Variants in PTPRC observed in about 807,000 individuals in gnomAD.
PTPRC encodes the protein receptor-type tyrosine-protein phosphatase C.
Under a neutral mutation model 155.9 loss-of-function variants are expected in PTPRC, and 44 were observed. That is an observed-to-expected ratio of 0.28 (90% confidence interval 0.22 to 0.36). The LOEUF (loss-of-function observed/expected upper bound fraction) is 0.36, where lower values mean the gene tolerates loss of function less well. Among genes scored for constraint, PTPRC ranks in the 10% least tolerant of loss-of-function variants. The pLI, the probability that PTPRC is intolerant of heterozygous loss-of-function variation, is 1.00. For synonymous variants in PTPRC, 525 were observed against 533.1 expected (o/e 0.98, Z 0.21); for missense variants, 1,401 against 1,564.6 (o/e 0.90, Z 1.76).
At chr1:198,713,143 T>C in intron 12 of PTPRC, 71 bp downstream of exon 12, 1 of 1,599,422 alleles carries the variant, frequency 6.3e-7, no homozygotes, top group Non-Finnish European at 8.6e-7. Context: ...AAATTTTTAT[T>C]GAGCCAGTGA....
intron 2 of PTPRC, among the ~76,000 whole-genome samples, chr1:198,664,271 A>C (rs1664149152): frequency 6.6e-6 from 1 of 152,196 alleles, no homozygotes; most frequent in Non-Finnish European, 1.5e-5. Context: ...AAATGGGAAA[A>C]TATTTGTTTT....
At chr1:198,717,823 C>T (rs147907947) in intron 13 of PTPRC, among the ~76,000 whole-genome samples, 184 of 152,214 alleles carry the variant, frequency 1.2e-3, no homozygotes, top group African/African-American at 4.2e-3. Flanking sequence ...CCCTTTTTCT[C>T]TATTCTCTAA....
In PTPRC at chr1:198,731,607, A is replaced by T; in HGVS notation, c.1865-10A>T. On this transcript the variant is annotated splice_polypyrimidine_tract_variant and intron_variant, in intron 17 of 32. Coordinates refer to ENST00000442510, the MANE Select transcript of PTPRC (RefSeq NM_002838.5). ...ATGTAACTAGTATTGAATCTTTAAT[A>T]TGTTTCCAGATGATGAAAAACAACT... 1.3e-6 allele frequency: 2 copies of T among 1,579,256 alleles called. No homozygotes were observed. Among genetic ancestry groups the T allele is most frequent in the Non-Finnish European group, 1.7e-6 (2 of 1,149,072 alleles).
chr1:198,668,869 A>C (rs1026058368), intron 2 of PTPRC, among the ~76,000 whole-genome samples: 1 of 152,176 alleles, frequency 6.6e-6, no homozygotes, highest in African/African-American at 2.4e-5. Context: ...AGCATAAGAA[A>C]ACCCCACTTT....
chr1:198,709,955 C>A, intron 11 of PTPRC, 131 bp downstream of exon 11: 1 of 1,247,284 alleles, frequency 8.0e-7, no homozygotes, highest in Non-Finnish European at 1.1e-6. Context: ...CTTTTTATTT[C>A]AATGAAGCGC....
intron 11 of PTPRC, 56 bp downstream of exon 11, chr1:198,709,880 A>G (rs1653200361): frequency 6.3e-7 from 1 of 1,585,098 alleles, no homozygotes; most frequent in Non-Finnish European, 8.6e-7. Flanking sequence ...ATGTTCTTAT[A>G]ATTATTTGAG....
intron 26 of PTPRC, among the ~76,000 whole-genome samples, chr1:198,744,995 A>G (rs1052510125): frequency 6.6e-6 from 1 of 151,832 alleles, no homozygotes; most frequent in Non-Finnish European, 1.5e-5. Context: ...TGGAAGAACT[A>G]GCAGACACAG....
chr1:198,745,352 CAG>C (rs1240584383), intron 26 of PTPRC, among the ~76,000 whole-genome samples: 1 of 151,712 alleles, frequency 6.6e-6, no homozygotes, highest in Non-Finnish European at 1.5e-5. Flanking sequence ...GACAGTAAGA[CAG>C]AAGATGAGAG....
chr1:198,673,113 A>T (rs1391121062), intron 2 of PTPRC, among the ~76,000 whole-genome samples: 1 of 152,016 alleles, frequency 6.6e-6, no homozygotes, highest in East Asian at 1.9e-4. Context: ...TTTCTAAAAG[A>T]CTAATCGTCT....
intron 32 of PTPRC, 108 bp downstream of exon 32, chr1:198,754,512 C>G (rs1655536785): frequency 7.6e-7 from 1 of 1,322,996 alleles, no homozygotes; most frequent in African/African-American, 1.5e-5. Context: ...GTTCTTTTTT[C>G]CCCTTTCCTT....
In PTPRC at chr1:198,639,299, G is replaced by A. The variant is rs759684142; in HGVS notation, c.31G>A (p.Ala11Thr). 5.0e-6 allele frequency: 8 copies of A among 1,613,412 alleles called. No homozygotes were observed. In the East Asian group the frequency reaches 6.7e-5, roughly 13 times the overall value. The part of the protein sequence containing the change: MTMYLWLKLL[A>T]FGFAFLDTEV... ...CATGTATTTGTGGCTTAAACTCTTG[G>A]CATTTGGCTTTGCCTTTCTGGACAC... Residue 11 changes from alanine to threonine, a missense_variant, in exon 2 of 33, where the codon GCA becomes ACA. Transcript: ENST00000442510.
In PTPRC at chr1:198,756,753, C is replaced by T. The variant is rs1304661807; in HGVS notation, c.*572C>T. The stretch of plus-strand genomic sequence containing the variant: ...AAAGGTGGTATGTGTGTGTATGCTA[C>T]TACAAAAAAGTTGTTAACTAAATTA... On this transcript the variant is annotated 3_prime_UTR_variant, in exon 33 of 33. Transcript: ENST00000442510. 1.3e-5 allele frequency: 2 copies of T among 151,864 alleles called. No homozygotes were observed. Among genetic ancestry groups the T allele is most frequent in the Non-Finnish European group, 2.9e-5 (2 of 67,920 alleles). 9.4% of individuals were successfully genotyped at this position (151,864 alleles called of 1,614,324 possible).
chr1:198,651,415 T>C lies in PTPRC; in HGVS notation c.73+12074T>C, dbSNP rs528747306. Reference sequence around the variant, plus strand: ...AAGTAGTTGTTATCAATGTGGCAGATATTAGGTAGAATCTAATATCGTGAA... The same window carrying C: ...AAGTAGTTGTTATCAATGTGGCAGACATTAGGTAGAATCTAATATCGTGAA... On this transcript the variant is annotated intron_variant, in intron 2 of 32. Coordinates refer to ENST00000442510, the MANE Select transcript of PTPRC (RefSeq NM_002838.5). 1.1e-3 allele frequency among the ~76,000 whole-genome samples: 170 copies of C among 151,850 alleles called. 4 individuals carry two copies. The South Asian group carries it at 0.029, about 26-fold the overall frequency.
chr1:198,755,987 G>GAAGA lies in PTPRC; in HGVS notation c.3728_3731dup (p.Asp1244GlufsTer3). ...ACAAGTAAAGAAAAACAACCATCAA[G>GAAGA]AAGATAAAATTGAATTTGATAATGA... On this transcript the variant is annotated frameshift_variant, in exon 33 of 33. Coordinates refer to ENST00000442510, the MANE Select transcript of PTPRC (RefSeq NM_002838.5). LOFTEE classifies it low-confidence loss of function (END_TRUNC). The GAAGA allele has an allele frequency of 6.2e-7, 1 of 1,613,192 alleles. No homozygotes were observed. Among genetic ancestry groups the GAAGA allele is most frequent in the Non-Finnish European group, 8.5e-7 (1 of 1,179,518 alleles).
intron 5 of PTPRC, chr1:198,700,160 A>C: frequency 5.3e-6 from 1 of 188,454 alleles, no homozygotes; most frequent in Admixed American, 5.5e-5. Flanking sequence ...AAAAGAAAGG[A>C]ATGGGTTTAT....
intron 7 of PTPRC, 78 bp from the exon 8 acceptor site, chr1:198,704,394 A>G (rs1666620417): frequency 1.2e-6 from 2 of 1,603,526 alleles, no homozygotes; most frequent in East Asian, 2.3e-5. Flanking sequence ...AGTATTGTAA[A>G]TCAGCTTTCC....
chr1:198,642,899 T>C (rs796858292), intron 2 of PTPRC, among the ~76,000 whole-genome samples: 1 of 105,926 alleles, frequency 9.4e-6, no homozygotes, highest in Non-Finnish European at 2.0e-5. Context: ...TTCTTTTCTT[T>C]CTTTCTTCCT....
intron 25 of PTPRC, 45 bp downstream of exon 25, chr1:198,742,412 A>G: frequency 6.2e-7 from 1 of 1,603,092 alleles, no homozygotes; most frequent in Non-Finnish European, 8.5e-7. Flanking sequence ...GGTTTTTTGG[A>G]CTTAAATCTT....
intron 23 of PTPRC, among the ~76,000 whole-genome samples, chr1:198,736,495 A>G (rs1318691259): frequency 2.0e-5 from 3 of 151,660 alleles, no homozygotes; most frequent in Non-Finnish European, 3.0e-5. Context: ...AGGTCCATCC[A>G]TGTTGTTGCA....
Sources: gnomAD v4.1 joint callset for allele counts (sites outside exome capture counted in the v4.1 genomes callset) on GRCh38, gnomAD v4.1.1 for gene constraint, MANE v1.5 for transcripts, NCBI Gene and HGNC (gene_info 2026-07-23, HGNC 2026-07-21) for gene names.